Variants in IQCM observed in about 807,000 individuals in gnomAD.
The protein encoded by IQCM is IQ domain-containing protein M.
A neutral mutation model predicts 57.6 loss-of-function variants in IQCM; 45 were observed. The ratio of observed to expected loss-of-function variants is 0.78; its 90% CI spans 0.62 to 1.00. The LOEUF is 1.00. Ranked by LOEUF, IQCM falls within the 50% of genes least tolerant of loss-of-function variation. The probability of loss-of-function intolerance (pLI) is 0.00; values close to 1 mark genes in which losing one functional copy is unlikely to be tolerated. For missense variants in IQCM, 468 were observed against 511.6 expected (o/e 0.91, Z 0.82); for synonymous variants, 148 against 158.9 (o/e 0.93, Z 0.51).
chr4:149,401,473 A>G (rs1311604881), intron 13 of IQCM, among the ~76,000 whole-genome samples: 1 of 151,724 alleles, frequency 6.6e-6, no homozygotes, highest in African/African-American at 2.4e-5. Flanking sequence ...TTTGACCATA[A>G]ACATTTAGTT....
intron 5 of IQCM, among the ~76,000 whole-genome samples, chr4:149,723,006 C>T (rs568245826): frequency 4.0e-5 from 6 of 151,856 alleles, no homozygotes; most frequent in Non-Finnish European, 7.4e-5. Context: ...GATCTTTCAC[C>T]TCCTTGGTTA....
chr4:149,752,522 A>G (rs1468220542), intron 2 of IQCM, among the ~76,000 whole-genome samples: 1 of 150,228 alleles, frequency 6.7e-6, no homozygotes, highest in Non-Finnish European at 1.5e-5. Flanking sequence ...ACTGCACTCC[A>G]GCCTGGTAAC....
At chr4:149,558,168 T>C (rs2149922075) in intron 10 of IQCM, among the ~76,000 whole-genome samples, 1 of 152,300 alleles carries the variant, frequency 6.6e-6, no homozygotes, top group East Asian at 1.9e-4. Context: ...TCTCAATCTT[T>C]CTTTTTATGA....
intron 2 of IQCM, among the ~76,000 whole-genome samples, chr4:149,798,302 TG>T (rs1773299661): frequency 6.6e-6 from 1 of 152,012 alleles, no homozygotes; most frequent in Non-Finnish European, 1.5e-5. Flanking sequence ...AAATAGTATT[TG>T]CAAGCCTCAT....
At chr4:149,456,069 TA>T (rs901621473) in intron 12 of IQCM, among the ~76,000 whole-genome samples, 1 of 151,810 alleles carries the variant, frequency 6.6e-6, no homozygotes, top group Admixed American at 6.6e-5. Flanking sequence ...AAAAAGAGAT[TA>T]AAAAGAGAAA....
chr4:149,355,756 C>G (rs1054989178), intron 13 of IQCM, among the ~76,000 whole-genome samples: 1 of 152,042 alleles, frequency 6.6e-6, no homozygotes, highest in South Asian at 2.1e-4. Flanking sequence ...TGGGTATATA[C>G]CCAGTAATGG....
chr4:149,771,441 T>A lies in IQCM; in HGVS notation c.-48-28702A>T, dbSNP rs115089565. Among the ~76,000 whole-genome samples, 671 of 152,204 alleles carry A rather than the reference T, an allele frequency of 4.4e-3. 9 individuals carry two copies. The highest frequency in any genetic ancestry group is 0.014 in the African/African-American group (598 of 41,574). On this transcript the variant is annotated intron_variant, in intron 2 of 13. Coordinates refer to ENST00000636793, the MANE Select transcript of IQCM (RefSeq NM_001363507.2). Reference sequence around the variant, plus strand: ...TCTTAAAAAATCCTCATATTACAAGTTCATTAATTTATTCACTTAGATTAT... The same window carrying A: ...TCTTAAAAAATCCTCATATTACAAGATCATTAATTTATTCACTTAGATTAT...
chr4:149,569,418 G>C (rs1345904918), intron 9 of IQCM, among the ~76,000 whole-genome samples: 2 of 151,998 alleles, frequency 1.3e-5, no homozygotes, highest in Non-Finnish European at 2.9e-5. Context: ...AGTTCAAGGT[G>C]ATCAATGACT....
chr4:149,392,762 C>T (rs1291341608), intron 13 of IQCM, among the ~76,000 whole-genome samples: 1 of 151,854 alleles, frequency 6.6e-6, no homozygotes, highest in African/African-American at 2.4e-5. Context: ...AGGAAAAAGG[C>T]CACCATCAGT....
chr4:149,730,628 T>C (rs991256316), intron 5 of IQCM, among the ~76,000 whole-genome samples: 1 of 152,206 alleles, frequency 6.6e-6, no homozygotes, highest in African/African-American at 2.4e-5. Context: ...GAATTTTCTT[T>C]CTCTTTTGAG....
chr4:149,645,695 T>C (rs779170998), intron 7 of IQCM, among the ~76,000 whole-genome samples: 7 of 152,088 alleles, frequency 4.6e-5, no homozygotes, highest in Non-Finnish European at 7.4e-5. Flanking sequence ...CAAATGTGCA[T>C]ATGGGGTGTA....
intron 3 of IQCM, among the ~76,000 whole-genome samples, chr4:149,738,536 G>T (rs139112823): frequency 6.6e-6 from 1 of 152,088 alleles, no homozygotes; most frequent in African/African-American, 2.4e-5. Flanking sequence ...CTCTAGTAGC[G>T]CTAATGGCCT....
intron 2 of IQCM, among the ~76,000 whole-genome samples, chr4:149,774,378 C>CA (rs1770876132): frequency 6.6e-6 from 1 of 152,106 alleles, no homozygotes; most frequent in South Asian, 2.1e-4. Context: ...AAACCTACAG[C>CA]AGCAACATGC....
At chr4:149,390,674 A>G (rs1303422680) in intron 13 of IQCM, among the ~76,000 whole-genome samples, 2 of 151,926 alleles carry the variant, frequency 1.3e-5, no homozygotes, top group African/African-American at 4.8e-5. Context: ...CTGCATTGAG[A>G]TAATCATGTG....
intron 12 of IQCM, among the ~76,000 whole-genome samples, chr4:149,473,330 T>C (rs925996994): frequency 1.2e-4 from 19 of 152,164 alleles, no homozygotes; most frequent in African/African-American, 4.3e-4. Flanking sequence ...GAACAGACAC[T>C]TCTCCAAAGA....
At chr4:149,772,561 A>G (rs1055035417) in intron 2 of IQCM, among the ~76,000 whole-genome samples, 2 of 152,222 alleles carry the variant, frequency 1.3e-5, no homozygotes, top group Non-Finnish European at 2.9e-5. Context: ...CATTGTCACA[A>G]GAATATAAGA....
chr4:149,452,086 A>G (rs1737179456), intron 12 of IQCM, among the ~76,000 whole-genome samples: 1 of 151,734 alleles, frequency 6.6e-6, no homozygotes, highest in South Asian at 2.1e-4. Context: ...TCAGAAATTA[A>G]TATAAAAATT....
chr4:149,773,853 A>G (rs1770821433), intron 2 of IQCM, among the ~76,000 whole-genome samples: 1 of 152,068 alleles, frequency 6.6e-6, no homozygotes, highest in Non-Finnish European at 1.5e-5. Context: ...CTGATTACCT[A>G]TTTCCCTTTG....
At chr4:149,793,322 A>C (rs780192397) in intron 2 of IQCM, among the ~76,000 whole-genome samples, 3 of 152,166 alleles carry the variant, frequency 2.0e-5, no homozygotes, top group Non-Finnish European at 2.9e-5. Flanking sequence ...CAAGAGGCAG[A>C]AGATGAGATA....
Sources: gnomAD v4.1 joint callset for allele counts (sites outside exome capture counted in the v4.1 genomes callset) on GRCh38, gnomAD v4.1.1 for gene constraint, MANE v1.5 for transcripts, NCBI Gene and HGNC (gene_info 2026-07-23, HGNC 2026-07-21) for gene names.